The following MYO1D variants were observed in gnomAD, a reference collection of about 807,000 sequenced individuals.
The protein encoded by MYO1D is unconventional myosin-Id.
MYO1D carries 83 observed loss-of-function variants against 122.0 expected under a neutral mutation model. That is an observed-to-expected ratio of 0.68 (90% CI 0.57 to 0.82). MYO1D has a LOEUF of 0.82. Ranked by LOEUF, MYO1D falls within the 40% of genes least tolerant of loss-of-function variation. The pLI is 0.00. For missense variants in MYO1D, 1,157 were observed against 1,269.5 expected (o/e 0.91, Z 1.35); for synonymous variants, 464 against 446.9 (o/e 1.04, Z -0.48).
chr17:32,811,822 T>C (rs374086792), intron 1 of MYO1D, among the ~76,000 whole-genome samples: 1 of 152,040 alleles, frequency 6.6e-6, no homozygotes, highest in Non-Finnish European at 1.5e-5. Context: ...TGAGTAAAGA[T>C]GTGGGGCAAT....
Position 32,802,282 on chromosome 17 carries a change from C to T in MYO1D, c.96-21498G>A, listed in dbSNP as rs372404337. The stretch of plus-strand genomic sequence containing the variant: ...TTCCTCTTTGGACACAGAGAAGCAA[C>T]GCGTTTATTTATGCTTTGAGTACTT... On this transcript the variant is annotated intron_variant, in intron 1 of 21. Coordinates refer to ENST00000318217, the MANE Select transcript of MYO1D (RefSeq NM_015194.3). Among the ~76,000 whole-genome samples, 10 of 152,314 alleles carry T rather than the reference C, an allele frequency of 6.6e-5. No homozygotes were observed. In the South Asian group the frequency reaches 1.9e-3, roughly 28 times the overall value.
At chr17:32,685,522 T>C (rs2088993054) in intron 16 of MYO1D, among the ~76,000 whole-genome samples, 1 of 152,218 alleles carries the variant, frequency 6.6e-6, no homozygotes, top group Non-Finnish European at 1.5e-5. Context: ...ACTGTTTAAC[T>C]ATATAATGGC....
At chr17:32,797,037 C>T (rs1331510452) in intron 1 of MYO1D, among the ~76,000 whole-genome samples, 4 of 151,684 alleles carry the variant, frequency 2.6e-5, no homozygotes, top group Non-Finnish European at 5.9e-5. Flanking sequence ...GTGGTGCGAT[C>T]TCAGCTCACT....
At chr17:32,800,546 C>T (rs1948553779) in intron 1 of MYO1D, among the ~76,000 whole-genome samples, 1 of 151,876 alleles carries the variant, frequency 6.6e-6, no homozygotes, top group Admixed American at 6.6e-5. Context: ...AGGCTGGAGA[C>T]CAGGGGAGGA....
chr17:32,873,515 C>T (rs994063231), intron 1 of MYO1D, among the ~76,000 whole-genome samples: 1 of 152,192 alleles, frequency 6.6e-6, no homozygotes, highest in African/African-American at 2.4e-5. Context: ...ATGTGCCCAA[C>T]CACCAATATT....
chr17:32,681,237 A>G (rs997315107), intron 16 of MYO1D, among the ~76,000 whole-genome samples: 11 of 151,716 alleles, frequency 7.3e-5, no homozygotes, highest in Middle Eastern at 3.4e-3. Context: ...AGGGTTTTTT[A>G]TGTCTCTATT....
chr17:32,580,289 A>ATTTTTTTTTTTTTTT (rs71144843), intron 21 of MYO1D, among the ~76,000 whole-genome samples: 3 of 39,142 alleles, frequency 7.7e-5, no homozygotes, highest in African/African-American at 2.3e-4. Context: ...TGCTAAGAGG[A>ATTTTTTTTTTTTTTT]TTTTTTTTTT....
At chr17:32,614,107 T>C (rs1271210436) in intron 20 of MYO1D, among the ~76,000 whole-genome samples, 1 of 145,124 alleles carries the variant, frequency 6.9e-6, no homozygotes, top group African/African-American at 2.5e-5. Flanking sequence ...CTCTGGAGCA[T>C]CTTTGTTCCA....
chr17:32,494,978 C>T lies in MYO1D; in HGVS notation c.2865-63G>A, dbSNP rs956006160. 1.5e-5 allele frequency: 22 copies of T among 1,475,914 alleles called. No homozygotes were observed. The African/African-American group carries it at 2.7e-4, about 18-fold the overall frequency. The allele number at this position is 1,475,914 out of a possible 1,614,324, so 91.4% of individuals were successfully genotyped here. A position where few individuals can be genotyped will look rare whatever the true frequency, so the allele number is the denominator to read the frequency against. On this transcript the variant is annotated intron_variant, in intron 21 of 21. Transcript: ENST00000318217. ...GCAGCATGAGAACAGGGCACCTGCC[C>T]GGCAGCTCCCGGCCACCATTGGCTC...
At chr17:32,672,925 A>T in intron 16 of MYO1D, among the ~76,000 whole-genome samples, 1 of 152,064 alleles carries the variant, frequency 6.6e-6, no homozygotes, top group African/African-American at 2.4e-5. Flanking sequence ...CAGCTGTTGC[A>T]CTTAGTAAAA....
At chr17:32,639,753 C>T (rs2150939931) in intron 19 of MYO1D, among the ~76,000 whole-genome samples, 1 of 152,204 alleles carries the variant, frequency 6.6e-6, no homozygotes, top group African/African-American at 2.4e-5. Flanking sequence ...ACTACGATAT[C>T]ATGTTTTTCA....
intron 20 of MYO1D, among the ~76,000 whole-genome samples, chr17:32,618,720 C>T (rs1353424389): frequency 1.3e-5 from 2 of 151,708 alleles, no homozygotes; most frequent in Admixed American, 6.6e-5. Flanking sequence ...CTGCAACCTC[C>T]GACTCCCGGG....
chr17:32,559,018 A>G (rs1363860925), intron 21 of MYO1D, among the ~76,000 whole-genome samples: 1 of 152,268 alleles, frequency 6.6e-6, no homozygotes, highest in Admixed American at 6.5e-5. Context: ...GCACAGACTA[A>G]GGACTAGACA....
chr17:32,626,114 C>T lies in MYO1D; in HGVS notation c.2709+12608G>A, dbSNP rs145962939. Among the ~76,000 whole-genome samples, 103 of 152,298 alleles carry T rather than the reference C, an allele frequency of 6.8e-4. 1 individual carries two copies. The highest frequency in any genetic ancestry group is 2.3e-3 in the African/African-American group (97 of 41,574). On this transcript the variant is annotated intron_variant, in intron 20 of 21. Transcript: ENST00000318217. ...ACTGTGCCGATGGACTGGTGGCTTC[C>T]CTGTCTCTCCCACGGGTCCACAAGG...
intron 1 of MYO1D, among the ~76,000 whole-genome samples, chr17:32,866,974 T>C (rs182803936): frequency 1.3e-5 from 2 of 152,326 alleles, no homozygotes; most frequent in East Asian, 1.9e-4. Context: ...CCTCATAATA[T>C]AGTACATACA....
intron 16 of MYO1D, among the ~76,000 whole-genome samples, chr17:32,701,205 A>G (rs551249031): frequency 7.9e-5 from 12 of 152,312 alleles, no homozygotes; most frequent in Admixed American, 6.5e-4. Context: ...AGGAAAATAT[A>G]AATTACCAAA....
At chr17:32,780,461 A>T in intron 2 of MYO1D, 115 bp downstream of exon 2, 1 of 998,280 alleles carries the variant, frequency 1.0e-6, no homozygotes, top group Non-Finnish European at 1.5e-6. Context: ...TCTCCTATAG[A>T]ATTGCTCAGG....
At chr17:32,559,424 C>CA (rs2087098151) in intron 21 of MYO1D, among the ~76,000 whole-genome samples, 1 of 152,210 alleles carries the variant, frequency 6.6e-6, no homozygotes, top group Non-Finnish European at 1.5e-5. Context: ...GAGTCTCACT[C>CA]AATCACTTGA....
At chr17:32,729,671 G>A (rs1260073128) in intron 14 of MYO1D, among the ~76,000 whole-genome samples, 2 of 152,138 alleles carry the variant, frequency 1.3e-5, no homozygotes, top group Non-Finnish European at 2.9e-5. Flanking sequence ...TGTCTTAGAA[G>A]CTACTGTTGA....
Sources: allele counts gnomAD v4.1 joint callset (sites outside exome capture counted in the v4.1 genomes callset), GRCh38; gene constraint gnomAD v4.1.1; transcripts MANE v1.5; gene names NCBI Gene and HGNC (gene_info 2026-07-23, HGNC 2026-07-21).